The following DRC2 variants were observed in gnomAD, a reference collection of about 807,000 sequenced individuals.
The protein encoded by DRC2 is coiled-coil domain containing 65.
chr12:48,905,857 T>C, the DRC2 span, among the ~76,000 whole-genome samples: 1 of 152,078 alleles, frequency 6.6e-6, no homozygotes, highest in African/African-American at 2.4e-5. Context: ...GTGCAACCTC[T>C]GCCTCCCAGG....
chr12:48,914,430 C>T, the DRC2 span: 13 of 1,612,546 alleles, frequency 8.1e-6, no homozygotes, highest in Middle Eastern at 1.6e-4. Flanking sequence ...TGTCCGAAGC[C>T]GAGGAGCAGT....
chr12:48,915,686 G>A, the DRC2 span, among the ~76,000 whole-genome samples: 6 of 151,618 alleles, frequency 4.0e-5, no homozygotes, highest in African/African-American at 1.2e-4. Context: ...CAGTAGGGGC[G>A]GCCGGGCAGA....
chr12:48,904,891 T>C, the DRC2 span: 4 of 1,428,332 alleles, frequency 2.8e-6, no homozygotes, highest in Non-Finnish European at 3.8e-6. Context: ...AGTGATCTTG[T>C]TTGTTGTACT....
At chr12:48,909,741 T>A in the DRC2 span, among the ~76,000 whole-genome samples, 125 of 151,860 alleles carry the variant, frequency 8.2e-4, no homozygotes, top group African/African-American at 3.0e-3. Context: ...CCTCCCAAAA[T>A]GTTGGGATTA....
chr12:48,914,271 G>A, the DRC2 span: 2 of 874,214 alleles, frequency 2.3e-6, no homozygotes, highest in Admixed American at 5.5e-5. Context: ...ACAAGAGTGA[G>A]GGGGACAGCC....
chr12:48,906,238 C>T, the DRC2 span, among the ~76,000 whole-genome samples: 9 of 152,086 alleles, frequency 5.9e-5, no homozygotes, highest in Non-Finnish European at 1.2e-4. Flanking sequence ...TATTAAGAGT[C>T]CTCAAATTTG....
chr12:48,905,807 C>T, the DRC2 span, among the ~76,000 whole-genome samples: 2 of 152,132 alleles, frequency 1.3e-5, no homozygotes, highest in African/African-American at 4.8e-5. Flanking sequence ...GAGTCTTGCT[C>T]TGTTGCCAGG....
the DRC2 span, chr12:48,918,454 A>G: frequency 6.2e-7 from 1 of 1,614,140 alleles, no homozygotes; most frequent in South Asian, 1.1e-5. Flanking sequence ...TACAGATGAA[A>G]AAAATACAGA....
the DRC2 span, among the ~76,000 whole-genome samples, chr12:48,920,385 G>T: frequency 7.8e-6 from 1 of 128,780 alleles, no homozygotes; most frequent in Non-Finnish European, 1.6e-5. Flanking sequence ...AGGTTGCGGT[G>T]AGTCGAGATC....
the DRC2 span, chr12:48,920,847 T>C: frequency 5.1e-6 from 7 of 1,365,016 alleles, no homozygotes; most frequent in Admixed American, 2.3e-5. Flanking sequence ...GTAGCTTCCC[T>C]GGGTTCAAAC....
chr12:48,909,678 A>G, the DRC2 span, among the ~76,000 whole-genome samples: 1 of 151,160 alleles, frequency 6.6e-6, no homozygotes, highest in Non-Finnish European at 1.5e-5. Flanking sequence ...GGGTTTCGCC[A>G]TGTTGGCCAG....
chr12:48,909,191 G>A, the DRC2 span, among the ~76,000 whole-genome samples: 6 of 151,980 alleles, frequency 3.9e-5, no homozygotes, highest in African/African-American at 1.4e-4. Context: ...TTACAGGCAT[G>A]TGCCACCACG....
chr12:48,916,085 G>A, the DRC2 span, among the ~76,000 whole-genome samples: 17 of 148,564 alleles, frequency 1.1e-4, no homozygotes, highest in Non-Finnish European at 2.5e-4. Flanking sequence ...ATGGGATGGC[G>A]GCCAGGCAGA....
At chr12:48,905,890 G>T in the DRC2 span, among the ~76,000 whole-genome samples, 19 of 152,050 alleles carry the variant, frequency 1.2e-4, no homozygotes. Flanking sequence ...TTCTGCCTCA[G>T]CCTCCCGAGT....
the DRC2 span, chr12:48,918,470 C>T: frequency 6.2e-6 from 10 of 1,613,608 alleles, no homozygotes; most frequent in South Asian, 9.9e-5. Context: ...ACAGAAACTA[C>T]AGGTTAGTGT....
chr12:48,916,967 C>T, the DRC2 span: 1 of 1,612,900 alleles, frequency 6.2e-7, no homozygotes, highest in East Asian at 2.2e-5. Flanking sequence ...TTGTCTCCTA[C>T]AGGAAGACAA....
the DRC2 span, chr12:48,917,138 T>A: frequency 6.2e-7 from 1 of 1,611,116 alleles, no homozygotes; most frequent in Non-Finnish European, 8.5e-7. Flanking sequence ...AGGCAAGAAG[T>A]GGGAGGAGGT....
At chr12:48,909,446 C>T in the DRC2 span, among the ~76,000 whole-genome samples, 2 of 152,150 alleles carry the variant, frequency 1.3e-5, no homozygotes, top group Non-Finnish European at 2.9e-5. Context: ...CTTCTCCAGT[C>T]GTCCTGGCAA....
the DRC2 span, chr12:48,921,406 T>C: frequency 1.9e-6 from 3 of 1,613,124 alleles, no homozygotes; most frequent in East Asian, 6.7e-5. Flanking sequence ...TCCATACGTA[T>C]AGCCCATCCA....
Sources: gnomAD v4.1 joint callset for allele counts (sites outside exome capture counted in the v4.1 genomes callset) on GRCh38, gnomAD v4.1.1 for gene constraint, MANE v1.5 for transcripts, NCBI Gene and HGNC (gene_info 2026-07-23, HGNC 2026-07-21) for gene names.